Variants in LHPP observed in about 807,000 individuals in gnomAD.
The protein encoded by LHPP is hLHPP.
In LHPP, 24 loss-of-function variants were observed where a neutral mutation model predicts 30.3. That is an observed-to-expected ratio of 0.79 (90% CI 0.57 to 1.11). The LOEUF is 1.11. Among genes scored for constraint, LHPP ranks in the 50% most tolerant of loss-of-function variants. The pLI, the probability that LHPP is intolerant of heterozygous loss-of-function variation, is 0.00. For missense variants in LHPP, 356 were observed against 367.2 expected, an observed-to-expected ratio of 0.97 and a Z score of 0.25; for synonymous variants, 150 against 157.1, an observed-to-expected ratio of 0.95 and a Z score of 0.34.
chr10:124,523,311 G>A lies in LHPP; in HGVS notation c.716+6040G>A, dbSNP rs1283606742. Among the ~76,000 whole-genome samples, 1 of 152,226 alleles carries A rather than the reference G, an allele frequency of 6.6e-6. No homozygotes were observed. Among genetic ancestry groups the A allele is most frequent in the Non-Finnish European group, 1.5e-5 (1 of 68,044 alleles). ...GGTGCTGAAGGGGTTTCCCCCCAGT[G>A]GGGTGGCCAGCCGATCTAGGATTCC... On this transcript the variant is annotated intron_variant, in intron 6 of 6. Coordinates refer to ENST00000368842, the MANE Select transcript of LHPP (RefSeq NM_022126.4). This position sits in a 1 kb window ranked among gnomAD's most constrained non-coding sequence, Gnocchi z 4.2.
intron 3 of LHPP, among the ~76,000 whole-genome samples, chr10:124,488,791 C>T (rs552442142): frequency 8.7e-4 from 132 of 152,202 alleles, no homozygotes; most frequent in Non-Finnish European, 1.5e-3. Context: ...TCTTCAGGAG[C>T]TGGTTGATCA....
chr10:124,553,018 T>C (rs1488907800), intron 6 of LHPP, among the ~76,000 whole-genome samples: 1 of 152,278 alleles, frequency 6.6e-6, no homozygotes, highest in East Asian at 1.9e-4. Context: ...GAGCTGATAA[T>C]GAGCGCCGCT....
At chr10:124,503,786 A>G (rs1434643626) in intron 5 of LHPP, among the ~76,000 whole-genome samples, 1 of 149,838 alleles carries the variant, frequency 6.7e-6, no homozygotes, top group African/African-American at 2.5e-5. Flanking sequence ...GCAACTATGT[A>G]TATATTTGTA....
rs368148508 is a variant in LHPP, at chr10:124,580,362, T to G, written c.717-32902T>G. ...CTTGTTATACTTAGAAAGAAGGATA[T>G]TCTACATTCTCCTTCAGGAGTTCTA... On this transcript the variant is annotated intron_variant, in intron 6 of 6. Transcript: ENST00000368842. 4.9e-4 allele frequency among the ~76,000 whole-genome samples: 75 copies of G among 152,360 alleles called. 1 individual carries two copies. In the South Asian group the frequency reaches 0.015, roughly 30 times the overall value.
intron 6 of LHPP, among the ~76,000 whole-genome samples, chr10:124,519,219 A>T (rs1359579768): frequency 1.3e-5 from 2 of 152,326 alleles, no homozygotes; most frequent in East Asian, 3.9e-4. Flanking sequence ...AAGTGCTGGG[A>T]TTATACGCGT....
intron 5 of LHPP, among the ~76,000 whole-genome samples, chr10:124,499,667 A>G (rs1953845153): frequency 6.6e-6 from 1 of 151,822 alleles, no homozygotes; most frequent in African/African-American, 2.4e-5. Context: ...AAAAAAAGAA[A>G]AAAGAAACAG....
At chr10:124,607,900 C>T (rs980495702) in intron 6 of LHPP, among the ~76,000 whole-genome samples, 17 of 152,168 alleles carry the variant, frequency 1.1e-4, no homozygotes, top group African/African-American at 3.4e-4. Flanking sequence ...GCACACGTGG[C>T]GGCTGCGAGC....
At chr10:124,533,016 G>T (rs892893713) in intron 6 of LHPP, among the ~76,000 whole-genome samples, 6 of 152,182 alleles carry the variant, frequency 3.9e-5, no homozygotes, top group Non-Finnish European at 7.3e-5. Flanking sequence ...CTGTAAAATG[G>T]ACTTATTTTG....
intron 6 of LHPP, among the ~76,000 whole-genome samples, chr10:124,534,832 C>T (rs941023452): frequency 3.9e-5 from 6 of 152,078 alleles, no homozygotes; most frequent in African/African-American, 1.4e-4. Context: ...TTGACCTGAC[C>T]GTATAAAGTA....
chr10:124,513,261 T>C (rs1954356092), intron 5 of LHPP, among the ~76,000 whole-genome samples: 1 of 151,912 alleles, frequency 6.6e-6, no homozygotes, highest in Admixed American at 6.6e-5. Flanking sequence ...GGTTTCACCA[T>C]GTTGCCCAGG....
At position 124,467,789 on chromosome 10, in the gene LHPP, C is replaced by G. The variant is rs566684066; in HGVS notation, c.125+5802C>G. ...GGAGTGCAGTGGTATGATCTCGGCTCACTGCAGCCTCCGCCTCCTGGGTTC... is the reference window on the plus strand; with the variant it reads ...GGAGTGCAGTGGTATGATCTCGGCTGACTGCAGCCTCCGCCTCCTGGGTTC... On this transcript the variant is annotated intron_variant, in intron 1 of 6. Transcript: ENST00000368842. Among the ~76,000 whole-genome samples, 3 of 152,170 alleles carry G rather than the reference C, an allele frequency of 2.0e-5. No homozygotes were observed. The South Asian group carries it at 6.2e-4, about 32-fold the overall frequency.
chr10:124,577,363 T>A (rs1228755535), intron 6 of LHPP, among the ~76,000 whole-genome samples: 1 of 149,150 alleles, frequency 6.7e-6, no homozygotes, highest in Non-Finnish European at 1.5e-5. Flanking sequence ...CCATCTAACC[T>A]TTTCTTTAAA....
intron 1 of LHPP, among the ~76,000 whole-genome samples, chr10:124,475,366 C>T (rs1952912340): frequency 6.6e-6 from 1 of 151,662 alleles, no homozygotes; most frequent in East Asian, 2.0e-4. Context: ...ATGGTGAAAC[C>T]CCATCTCTAC....
rs145037586 is a variant in LHPP, at chr10:124,463,424, G to A, written c.125+1437G>A. ...GTTGCCCAGGCCGGAGTGCAGTGGC[G>A]CCATCTGGGCTCACTGCAACCTCTG... On this transcript the variant is annotated intron_variant, in intron 1 of 6. Transcript: ENST00000368842. Among the ~76,000 whole-genome samples the A allele has an allele frequency of 3.0e-3, 459 of 151,134 alleles. 2 individuals are homozygous for A. The highest frequency in any genetic ancestry group is 0.014 in the Middle Eastern group (4 of 290).
rs543633486 is a variant in LHPP, at chr10:124,545,370, C to T, written c.716+28099C>T. Among the ~76,000 whole-genome samples the T allele has an allele frequency of 4.5e-3, 682 of 152,338 alleles. 3 individuals are homozygous for T. The highest frequency in any genetic ancestry group is 0.016 in the African/African-American group (665 of 41,582). On this transcript the variant is annotated intron_variant, in intron 6 of 6. Transcript: ENST00000368842. ...CGCCTGGTCCCTGCTCAGAGCTCCCCGAATGGTCATTGCCACATCTAAACA... is the reference window on the plus strand; with the variant it reads ...CGCCTGGTCCCTGCTCAGAGCTCCCTGAATGGTCATTGCCACATCTAAACA...
chr10:124,540,466 G>A (rs1564818801), intron 6 of LHPP, among the ~76,000 whole-genome samples: 1 of 152,248 alleles, frequency 6.6e-6, no homozygotes, highest in Non-Finnish European at 1.5e-5. Flanking sequence ...CCCACTGACG[G>A]CTCTCAGTTT....
chr10:124,588,989 C>T (rs558733554), intron 6 of LHPP, among the ~76,000 whole-genome samples: 5 of 152,318 alleles, frequency 3.3e-5, no homozygotes, highest in East Asian at 1.9e-4. Context: ...CCTGGTGGAG[C>T]GCCCATAAAT....
chr10:124,595,266 C>T (rs1027203350), intron 6 of LHPP, among the ~76,000 whole-genome samples: 20 of 152,120 alleles, frequency 1.3e-4, no homozygotes, highest in African/African-American at 3.4e-4. Flanking sequence ...TGGTTGGGGA[C>T]GCGAGGAGGG....
intron 6 of LHPP, among the ~76,000 whole-genome samples, chr10:124,583,197 G>A (rs1742528348): frequency 6.6e-6 from 1 of 152,044 alleles, no homozygotes; most frequent in Non-Finnish European, 1.5e-5. Context: ...AGTTTTGGTG[G>A]CATATCTAAG....
Sources: allele counts gnomAD v4.1 joint callset (sites outside exome capture counted in the v4.1 genomes callset), GRCh38; gene constraint gnomAD v4.1.1; non-coding constraint Gnocchi (gnomAD v3.1); transcripts MANE v1.5; gene names NCBI Gene and HGNC (gene_info 2026-07-23, HGNC 2026-07-21).